The following QTGAL variants were observed in gnomAD, a reference collection of about 807,000 sequenced individuals.
QTGAL encodes queuosine-tRNA galactosyltransferase.
At chr17:83,006,022 G>A in the QTGAL span, 29 of 1,044,822 alleles carry the variant, frequency 2.8e-5, 1 homozygote, top group East Asian at 9.9e-4. This position sits in a 1 kb window ranked among gnomAD's most constrained non-coding sequence, Gnocchi z 5.8. Flanking sequence ...GCACCTGGGC[G>A]CGTCCGTAGG....
the QTGAL span, among the ~76,000 whole-genome samples, chr17:82,971,646 ACCACACCACACCACAGGGGCCAGAAGGAC>A: frequency 9.8e-5 from 11 of 112,036 alleles, no homozygotes; most frequent in African/African-American, 2.4e-4. Context: ...CCTGGTGCCG[ACCACACCACACCACAGGGGCCAGAAGGAC>A]CTGGTGCCCA....
the QTGAL span, among the ~76,000 whole-genome samples, chr17:83,045,950 A>G: frequency 6.6e-6 from 1 of 151,686 alleles, no homozygotes; most frequent in African/African-American, 2.4e-5. Context: ...CAGCCTCCTG[A>G]GTAGCTGGGA....
the QTGAL span, among the ~76,000 whole-genome samples, chr17:83,033,626 C>T: frequency 6.6e-6 from 1 of 151,816 alleles, no homozygotes; most frequent in African/African-American, 2.4e-5. Flanking sequence ...CGCCCACCAC[C>T]ACGCCCAGCT....
the QTGAL span, among the ~76,000 whole-genome samples, chr17:82,960,135 A>G: frequency 6.6e-6 from 1 of 152,136 alleles, no homozygotes; most frequent in Non-Finnish European, 1.5e-5. Flanking sequence ...CGGACGCGGG[A>G]GGCCCCAGCA....
chr17:82,998,963 TAA>T, the QTGAL span, among the ~76,000 whole-genome samples: 1,364 of 147,396 alleles, frequency 9.3e-3, 6 homozygotes, highest in African/African-American at 0.022. Flanking sequence ...TAGCTAAAAT[TAA>T]AAAAAAAAAA....
At chr17:83,018,924 G>A in the QTGAL span, among the ~76,000 whole-genome samples, 4 of 152,320 alleles carry the variant, frequency 2.6e-5, no homozygotes, top group East Asian at 7.7e-4. Flanking sequence ...GCCAGGAATC[G>A]AGGGGCGGAC....
At chr17:82,959,809 A>G in the QTGAL span, among the ~76,000 whole-genome samples, 1 of 151,984 alleles carries the variant, frequency 6.6e-6, no homozygotes, top group African/African-American at 2.4e-5. Flanking sequence ...TGGTCTGAAA[A>G]TGTTGGCCCA....
the QTGAL span, among the ~76,000 whole-genome samples, chr17:82,955,856 G>A: frequency 4.6e-5 from 7 of 152,240 alleles, no homozygotes; most frequent in Middle Eastern, 3.4e-3. Flanking sequence ...CAGGGACATG[G>A]ATGAAGCTGG....
At chr17:82,985,465 G>C in the QTGAL span, among the ~76,000 whole-genome samples, 1 of 152,130 alleles carries the variant, frequency 6.6e-6, no homozygotes, top group Non-Finnish European at 1.5e-5. Context: ...TATCTAAGAG[G>C]ACCTACCTGA....
At chr17:82,956,334 C>T in the QTGAL span, among the ~76,000 whole-genome samples, 2 of 152,216 alleles carry the variant, frequency 1.3e-5, no homozygotes, top group African/African-American at 4.8e-5. The surrounding 1 kb of genome is among the most constrained non-coding windows in gnomAD (Gnocchi z 5.7). Flanking sequence ...CCTCAGTCCA[C>T]GGGAGCTGGA....
At chr17:82,958,608 G>A in the QTGAL span, among the ~76,000 whole-genome samples, 1 of 152,320 alleles carries the variant, frequency 6.6e-6, no homozygotes, top group South Asian at 2.1e-4. Context: ...ATGGGATGGG[G>A]GGGATGGGGG....
chr17:83,033,800 T>G, the QTGAL span, among the ~76,000 whole-genome samples: 3 of 151,952 alleles, frequency 2.0e-5, no homozygotes, highest in East Asian at 5.8e-4. Flanking sequence ...AAAGTGTTAT[T>G]AGTTCAGTTT....
At chr17:82,967,368 T>C in the QTGAL span, among the ~76,000 whole-genome samples, 1 of 152,290 alleles carries the variant, frequency 6.6e-6, no homozygotes, top group East Asian at 1.9e-4. Flanking sequence ...AGAACCATCG[T>C]GTAACACAGC....
the QTGAL span, among the ~76,000 whole-genome samples, chr17:82,958,905 ATAC>A: frequency 1.6e-5 from 1 of 64,060 alleles, no homozygotes. Flanking sequence ...GTGTGTGTGT[ATAC>A]TGTGTGGGGG....
At chr17:82,984,701 T>A in the QTGAL span, among the ~76,000 whole-genome samples, 1 of 151,904 alleles carries the variant, frequency 6.6e-6, no homozygotes, top group African/African-American at 2.4e-5. Context: ...AGAACACAAA[T>A]GTCTGTTGTT....
chr17:82,962,056 G>A, the QTGAL span, among the ~76,000 whole-genome samples: 1 of 152,208 alleles, frequency 6.6e-6, no homozygotes, highest in Non-Finnish European at 1.5e-5. Context: ...GCCGCCCGGA[G>A]ACACCTTTGC....
chr17:82,966,337 G>C, the QTGAL span, among the ~76,000 whole-genome samples: 4 of 152,146 alleles, frequency 2.6e-5, no homozygotes, highest in Non-Finnish European at 2.9e-5. Context: ...TTACAGGTGT[G>C]AGCCATCATG....
the QTGAL span, among the ~76,000 whole-genome samples, chr17:82,985,539 A>C: frequency 6.6e-6 from 1 of 152,184 alleles, no homozygotes; most frequent in Non-Finnish European, 1.5e-5. Flanking sequence ...TCTGGTTCAA[A>C]CTGTGCCTCC....
At chr17:82,950,741 C>T in the QTGAL span, among the ~76,000 whole-genome samples, 10 of 152,254 alleles carry the variant, frequency 6.6e-5, no homozygotes, top group Admixed American at 2.6e-4. Context: ...ACCCCTCGTA[C>T]ATCAGCCTCA....
Sources: gnomAD v4.1 joint callset for allele counts (sites outside exome capture counted in the v4.1 genomes callset) on GRCh38, gnomAD v4.1.1 for gene constraint, Gnocchi (gnomAD v3.1) non-coding constraint, MANE v1.5 for transcripts, NCBI Gene and HGNC (gene_info 2026-07-23, HGNC 2026-07-21) for gene names.